The following TSG101 variants were observed in gnomAD, a reference collection of about 807,000 sequenced individuals.
The protein encoded by TSG101 is tumor susceptibility 101.
Under a neutral mutation model 48.5 loss-of-function variants are expected in TSG101, and 19 were observed. The ratio of observed to expected loss-of-function variants is 0.39; its 90% CI spans 0.27 to 0.58. The LOEUF is 0.58. TSG101 is among the 20% of genes least tolerant of loss of function. The pLI, the probability that TSG101 is intolerant of heterozygous loss-of-function variation, is 0.55. For missense variants in TSG101, 365 were observed against 484.4 expected, an observed-to-expected ratio of 0.75 and a Z score of 2.31; for synonymous variants, 174 against 169.4, an observed-to-expected ratio of 1.03 and a Z score of -0.21.
intron 7 of TSG101, among the ~76,000 whole-genome samples, chr11:18,487,858 T>C (rs1201533447): frequency 5.9e-5 from 9 of 152,158 alleles, no homozygotes; most frequent in Non-Finnish European, 1.2e-4. Flanking sequence ...GGCAGGAAGC[T>C]TTTGGTAGAT....
Position 18,509,548 on chromosome 11 carries a change from G to A in TSG101, c.475C>T (p.Pro159Ser). 1 of 1,612,242 alleles carries A rather than the reference G, an allele frequency of 6.2e-7. No individual in the cohort carries two copies. The highest frequency in any genetic ancestry group is 8.5e-7 in the Non-Finnish European group (1 of 1,179,054). Residue 159 changes from proline (P) to serine (S), a missense_variant, in exon 5 of 10, where the codon CCA becomes TCA. Transcript: ENST00000251968. The part of the protein sequence containing the change: ...SYPPYQATGP[P>S]NTSYMPGMPG... Reference sequence around the variant, plus strand: ...AAATCTCAATTCTACTTACTATTTGGTGGCCCCGTTGCCTGGTATGGCGGA... The same window carrying A: ...AAATCTCAATTCTACTTACTATTTGATGGCCCCGTTGCCTGGTATGGCGGA...
chr11:18,499,403 T>TATATATA (rs1554970813), intron 7 of TSG101, among the ~76,000 whole-genome samples: 2 of 6,850 alleles, frequency 2.9e-4, no homozygotes, highest in East Asian at 6.0e-3. Context: ...TATATATATA[T>TATATATA]TTTTTTTTTT....
At chr11:18,495,152 A>G (rs1424880260) in intron 7 of TSG101, among the ~76,000 whole-genome samples, 7 of 152,222 alleles carry the variant, frequency 4.6e-5, no homozygotes, top group African/African-American at 1.7e-4. Flanking sequence ...TTTTAGGAAC[A>G]AAATCTTAAA....
intron 5 of TSG101, chr11:18,507,668 A>T (rs1849997779): frequency 6.6e-6 from 1 of 152,192 alleles, no homozygotes; most frequent in African/African-American, 2.4e-5. Flanking sequence ...ATAGTAAAGA[A>T]TCTGCTCTAG....
chr11:18,497,296 T>C (rs1849799153), intron 7 of TSG101, among the ~76,000 whole-genome samples: 1 of 152,060 alleles, frequency 6.6e-6, no homozygotes, highest in South Asian at 2.1e-4. Flanking sequence ...ACTAATGAAA[T>C]ATGATGAAAA....
At position 18,509,501 on chromosome 11, in the gene TSG101, T is replaced by C. The variant is rs779832206; in HGVS notation, c.481+41A>G. The C allele has an allele frequency of 1.2e-5, 19 of 1,589,212 alleles. No individual in the cohort carries two copies. In the South Asian group the frequency reaches 1.8e-4, roughly 15 times the overall value. ...TTTTACAAAGGTTTCTGTTCTCTTTTGTTTATATGAGTTTTAAAGTAAAAT... is the reference window on the plus strand; with the variant it reads ...TTTTACAAAGGTTTCTGTTCTCTTTCGTTTATATGAGTTTTAAAGTAAAAT... On this transcript the variant is annotated intron_variant, in intron 5 of 9. Transcript: ENST00000251968.
rs1333200112 is a variant in TSG101, at chr11:18,526,922, A to C, written c.-106T>G. On this transcript the variant is annotated 5_prime_UTR_variant, in exon 1 of 10. Coordinates refer to ENST00000251968, the MANE Select transcript of TSG101 (RefSeq NM_006292.4). Reference sequence around the variant, plus strand: ...CACACCCCCAACCCGGCCTCAAACAACAGGAAGTCGGCACCACTACACCAC... The same window carrying C: ...CACACCCCCAACCCGGCCTCAAACACCAGGAAGTCGGCACCACTACACCAC... 2 of 1,292,004 alleles carry C rather than the reference A, an allele frequency of 1.5e-6. No individual in the cohort carries two copies. Among genetic ancestry groups the C allele is most frequent in the Non-Finnish European group, 2.1e-6 (2 of 937,064 alleles). The allele number at this position is 1,292,004 out of a possible 1,614,324, so 80.0% of individuals were successfully genotyped here.
At chr11:18,495,890 C>A (rs1258170289) in intron 7 of TSG101, among the ~76,000 whole-genome samples, 1 of 150,806 alleles carries the variant, frequency 6.6e-6, no homozygotes, top group Non-Finnish European at 1.5e-5. Flanking sequence ...CATCACTGCA[C>A]TCCAGCCTGG....
At chr11:18,487,076 A>T (rs1849629995) in intron 7 of TSG101, among the ~76,000 whole-genome samples, 1 of 138,710 alleles carries the variant, frequency 7.2e-6, no homozygotes, top group Non-Finnish European at 1.5e-5. Context: ...CAATGAGAAC[A>T]CATGGACACA....
At chr11:18,510,266 C>G (rs1196823680) in intron 4 of TSG101, among the ~76,000 whole-genome samples, 2 of 151,874 alleles carry the variant, frequency 1.3e-5, no homozygotes, top group African/African-American at 2.4e-5. Context: ...ACTAAAAACA[C>G]AAAAATTAGC....
intron 6 of TSG101, among the ~76,000 whole-genome samples, chr11:18,504,757 A>G (rs1849942071): frequency 6.6e-6 from 1 of 152,216 alleles, no homozygotes; most frequent in African/African-American, 2.4e-5. Flanking sequence ...GTCCATTTCC[A>G]TAGTGTACCT....
At position 18,480,502 on chromosome 11, in the gene TSG101, G is replaced by A. The variant is rs1406624708; in HGVS notation, c.*44C>T. 2.0e-6 allele frequency: 3 copies of A among 1,504,706 alleles called. No individual in the cohort carries two copies. Among genetic ancestry groups the A allele is most frequent in the Non-Finnish European group, 2.8e-6 (3 of 1,088,058 alleles). The allele number at this position is 1,504,706 out of a possible 1,614,324, so 93.2% of individuals were successfully genotyped here. A position where few individuals can be genotyped will look rare whatever the true frequency, so the allele number is the denominator to read the frequency against. On this transcript the variant is annotated 3_prime_UTR_variant, in exon 10 of 10. Coordinates refer to ENST00000251968, the MANE Select transcript of TSG101 (RefSeq NM_006292.4). The stretch of plus-strand genomic sequence containing the variant: ...GCACCTACTGATAAAAGGAAGAGAA[G>A]AATACTTTAAGAAGAGCTCAACCTC...
At chr11:18,498,992 T>C (rs576610290) in intron 7 of TSG101, among the ~76,000 whole-genome samples, 12 of 151,984 alleles carry the variant, frequency 7.9e-5, no homozygotes, top group Non-Finnish European at 1.8e-4. Flanking sequence ...ATCCATTGGA[T>C]GTAACCTCAA....
chr11:18,514,466 A>G (rs1850136585), intron 4 of TSG101, among the ~76,000 whole-genome samples: 2 of 152,340 alleles, frequency 1.3e-5, no homozygotes, highest in South Asian at 4.1e-4. Flanking sequence ...CCAACAAAAT[A>G]TTGAATATAA....
At chr11:18,487,718 C>A (rs1849640349) in intron 7 of TSG101, among the ~76,000 whole-genome samples, 1 of 152,160 alleles carries the variant, frequency 6.6e-6, no homozygotes, top group Non-Finnish European at 1.5e-5. Context: ...AAAAAAACCT[C>A]AAAGTATAGG....
chr11:18,513,275 G>A (rs1046568158), intron 4 of TSG101, among the ~76,000 whole-genome samples: 4 of 151,776 alleles, frequency 2.6e-5, no homozygotes, highest in Non-Finnish European at 2.9e-5. Flanking sequence ...CTCTTAAGGT[G>A]GGAAAATTCA....
intron 3 of TSG101, among the ~76,000 whole-genome samples, chr11:18,515,647 A>G (rs192617900): frequency 1.3e-5 from 2 of 152,340 alleles, no homozygotes; most frequent in Admixed American, 1.3e-4. Context: ...CCCCCAAGTT[A>G]GGTACTATTA....
chr11:18,517,455 A>G (rs757827562), intron 2 of TSG101, among the ~76,000 whole-genome samples: 2 of 152,252 alleles, frequency 1.3e-5, no homozygotes, highest in Non-Finnish European at 2.9e-5. Flanking sequence ...CACTATACCC[A>G]TAGAGGAAAG....
intron 2 of TSG101, 61 bp downstream of exon 2, chr11:18,519,447 AAAAATTACAAT>A: frequency 3.8e-6 from 5 of 1,308,128 alleles, no homozygotes; most frequent in Non-Finnish European, 5.4e-6. Flanking sequence ...CTCAAATGGA[AAAAATTACAAT>A]CATTAACAAA....
Sources: allele counts gnomAD v4.1 joint callset (sites outside exome capture counted in the v4.1 genomes callset), GRCh38; gene constraint gnomAD v4.1.1; transcripts MANE v1.5; gene names NCBI Gene and HGNC (gene_info 2026-07-23, HGNC 2026-07-21).